The following ZNF75D variants were observed in gnomAD, a reference collection of about 807,000 sequenced individuals.
The protein encoded by ZNF75D is zinc finger protein 75.
Under a neutral mutation model 33.3 loss-of-function variants are expected in ZNF75D, and 33 were observed. The observed-to-expected ratio is 0.99, with a 90% CI of 0.75 to 1.32. ZNF75D has a LOEUF of 1.32. Ranked by LOEUF, ZNF75D falls within the 40% of genes most tolerant of loss-of-function variation. The probability of loss-of-function intolerance (pLI) is 0.00; values close to 1 mark genes in which losing one functional copy is unlikely to be tolerated. For missense variants in ZNF75D, 338 were observed against 367.5 expected (o/e 0.92, Z 0.66); for synonymous variants, 113 against 130.6 (o/e 0.87, Z 0.92).
chrX:135,316,078 C>T (rs1299514166), intron 1 of ZNF75D, among the ~76,000 whole-genome samples: 1 of 110,696 alleles, frequency 9.0e-6, no homozygotes, highest in African/African-American at 3.3e-5. Context: ...CTTTTTCTTT[C>T]TCATCTGTAT....
At chrX:135,298,212 A>G (rs1286016794) in intron 1 of ZNF75D, 5 of 111,300 alleles carry the variant, frequency 4.5e-5, no homozygotes, top group African/African-American at 1.6e-4. Flanking sequence ...CTGGAAACCA[A>G]CTTAGAAAAA....
At chrX:135,267,457 C>CA (rs1459147590) in intron 1 of ZNF75D, among the ~76,000 whole-genome samples, 1 of 110,750 alleles carries the variant, frequency 9.0e-6, no homozygotes. Context: ...CACAGAAATT[C>CA]AAAAAATCAT....
At chrX:135,278,695 C>T (rs1212734547) in intron 1 of ZNF75D, among the ~76,000 whole-genome samples, 2 of 111,698 alleles carry the variant, frequency 1.8e-5, no homozygotes, top group East Asian at 5.6e-4. Flanking sequence ...CTTTTTAGCA[C>T]AAAGGAGTGT....
chrX:135,340,420 A>G (rs1181317465), intron 1 of ZNF75D, among the ~76,000 whole-genome samples: 1 of 112,526 alleles, frequency 8.9e-6, no homozygotes, highest in Non-Finnish European at 1.9e-5. Context: ...TCTGAGCACA[A>G]GACCCTCCTT....
chrX:135,309,362 T>A, intron 1 of ZNF75D: 1 of 289,435 alleles, frequency 3.5e-6, no homozygotes. Context: ...AAAGTGTGTG[T>A]GGGTGTGTGG....
rs781882536 is a variant in ZNF75D at position 135,325,563 on chromosome X, T to G, written c.-391+16205A>C. On this transcript the variant is annotated intron_variant, in intron 1 of 6. Coordinates refer to ENST00000370766, the MANE Select transcript of ZNF75D (RefSeq NM_007131.5). ...CGCACTCGGAGCAGCCGGCCGGCCC[T>G]GCCGGCCCCGGGCAATGAGGGACGT... 1.7e-4 allele frequency among the ~76,000 whole-genome samples: 19 copies of G among 112,204 alleles called. No individual in the cohort carries two copies. In the East Asian group the frequency reaches 5.2e-3, roughly 31 times the overall value.
At chrX:135,326,099 G>A (rs782677551) in intron 1 of ZNF75D, among the ~76,000 whole-genome samples, 4 of 105,739 alleles carry the variant, frequency 3.8e-5, no homozygotes, top group East Asian at 3.1e-4. Flanking sequence ...TACACCAATC[G>A]GCATTCTGTA....
At chrX:135,309,536 G>A (rs1272963873) in intron 1 of ZNF75D, 2 of 295,353 alleles carry the variant, frequency 6.8e-6, no homozygotes, top group Middle Eastern at 8.7e-4. Flanking sequence ...ACATCAAGAA[G>A]TCAGGCAAAT....
At chrX:135,263,885 G>A (rs782054313) in intron 1 of ZNF75D, among the ~76,000 whole-genome samples, 6 of 112,068 alleles carry the variant, frequency 5.4e-5, no homozygotes, top group Non-Finnish European at 7.5e-5. Flanking sequence ...TAGAAATCAC[G>A]CATCTTCTGA....
At chrX:135,326,171 T>C (rs1437122673) in intron 1 of ZNF75D, among the ~76,000 whole-genome samples, 2 of 110,425 alleles carry the variant, frequency 1.8e-5, no homozygotes, top group Non-Finnish European at 3.8e-5. Flanking sequence ...GGTTTGTGAG[T>C]GCACGAATCG....
At chrX:135,270,384 T>C (rs1460842941) in intron 1 of ZNF75D, among the ~76,000 whole-genome samples, 2 of 90,565 alleles carry the variant, frequency 2.2e-5, no homozygotes, top group African/African-American at 8.4e-5. Context: ...TATATATATA[T>C]ATATATATAC....
chrX:135,336,132 C>T (rs1422869140), intron 1 of ZNF75D, among the ~76,000 whole-genome samples: 2 of 111,391 alleles, frequency 1.8e-5, no homozygotes, highest in African/African-American at 6.5e-5. Flanking sequence ...GAGGGCTGTA[C>T]CCTCAGGAAT....
chrX:135,298,370 T>G (rs1278947833), intron 1 of ZNF75D: 1 of 111,402 alleles, frequency 9.0e-6, no homozygotes, highest in Non-Finnish European at 1.9e-5. Flanking sequence ...GAGACAGAGG[T>G]TGGACAACCT....
chrX:135,290,436 C>T (rs1556420913), intron 6 of ZNF75D, among the ~76,000 whole-genome samples: 1 of 112,282 alleles, frequency 8.9e-6, no homozygotes, highest in African/African-American at 3.2e-5. Context: ...GCAACCTGAC[C>T]TGCATAGGAT....
At chrX:135,309,262 T>C (rs2084327717) in intron 1 of ZNF75D, among the ~76,000 whole-genome samples, 1 of 111,798 alleles carries the variant, frequency 8.9e-6, no homozygotes, top group Non-Finnish European at 1.9e-5. Flanking sequence ...GTCCTTAATG[T>C]CCCGGGTCCC....
At position 135,343,952 on chromosome X, in the gene ZNF75D, T is replaced by C. The variant is rs2084815677; in HGVS notation, c.-2575A>G. 2 of 112,108 alleles carry C rather than the reference T, an allele frequency of 1.8e-5. No homozygotes were observed. The highest frequency in any genetic ancestry group is 9.4e-5 in the Admixed American group (1 of 10,690). 9.2% of individuals were successfully genotyped at this position (112,108 alleles called of 1,213,427 possible). On this transcript the variant is annotated 5_prime_UTR_variant, in exon 1 of 7. Transcript: ENST00000370766. ...CAAAAGCAGGCAGCTTTCTCCTGTC[T>C]GTGTTGGACCCACGCAGGACTAGGC... is the stretch of plus-strand genomic sequence containing the variant.
At chrX:135,337,654 G>A (rs1426651328) in intron 1 of ZNF75D, among the ~76,000 whole-genome samples, 3 of 111,288 alleles carry the variant, frequency 2.7e-5, no homozygotes, top group African/African-American at 9.8e-5. Flanking sequence ...ATGGAGGAGT[G>A]CATTAGGTAA....
At chrX:135,339,764 C>T (rs1257245113) in intron 1 of ZNF75D, among the ~76,000 whole-genome samples, 1 of 112,187 alleles carries the variant, frequency 8.9e-6, no homozygotes, top group Non-Finnish European at 1.9e-5. Context: ...CCTCGCTCCA[C>T]CTTGCCCAGC....
At chrX:135,258,056 TGC>T (rs1556414651) in intron 1 of ZNF75D, among the ~76,000 whole-genome samples, 2 of 108,543 alleles carry the variant, frequency 1.8e-5, no homozygotes, top group East Asian at 5.7e-4. Context: ...AGTGAGAACA[TGC>T]AGTGTTTGGT....
Sources: gnomAD v4.1 joint callset for allele counts (sites outside exome capture counted in the v4.1 genomes callset) on GRCh38, gnomAD v4.1.1 for gene constraint, MANE v1.5 for transcripts, NCBI Gene and HGNC (gene_info 2026-07-23, HGNC 2026-07-21) for gene names.